LTBP1: variants seen among roughly 807,000 people sequenced by gnomAD.
LTBP1 encodes latent transforming growth factor beta binding protein 1.
In LTBP1, 129 loss-of-function variants were observed where a neutral mutation model predicts 207.6. The ratio of observed to expected loss-of-function variants is 0.62; its 90% CI spans 0.54 to 0.72. The LOEUF (loss-of-function observed/expected upper bound fraction) is 0.72, where lower values mean the gene tolerates loss of function less well. LTBP1 is among the 30% of genes least tolerant of loss of function. LTBP1 has a pLI of 0.00. For missense variants in LTBP1, 2,281 were observed against 2,217.2 expected (o/e 1.03, Z -0.58); for synonymous variants, 963 against 833.7 (o/e 1.16, Z -2.67).
chr2:33,207,260 C>T (rs943966926), intron 7 of LTBP1, among the ~76,000 whole-genome samples: 1 of 152,074 alleles, frequency 6.6e-6, no homozygotes, highest in African/African-American at 2.4e-5. Flanking sequence ...TTTTAAAATA[C>T]CGTTTCATAA....
chr2:33,183,866 A>G (rs537455712), intron 5 of LTBP1, among the ~76,000 whole-genome samples: 279 of 152,276 alleles, frequency 1.8e-3, no homozygotes, highest in African/African-American at 6.3e-3. Flanking sequence ...GCACTAATGA[A>G]GGTATTTTTC....
At chr2:33,064,451 G>C (rs2077409718) in intron 3 of LTBP1, among the ~76,000 whole-genome samples, 1 of 152,174 alleles carries the variant, frequency 6.6e-6, no homozygotes, top group Admixed American at 6.5e-5. Context: ...TGGCATAGCA[G>C]GCAGCATGAG....
chr2:33,124,362 A>G (rs989623788), intron 4 of LTBP1, among the ~76,000 whole-genome samples: 3 of 152,132 alleles, frequency 2.0e-5, no homozygotes, highest in African/African-American at 7.2e-5. Flanking sequence ...GTGAGCCAAG[A>G]TTGTGCCACT....
At position 33,348,577 on chromosome 2, in the gene LTBP1, G is replaced by A. The variant is rs566153643; in HGVS notation, c.4000+1067G>A. 7.0e-4 allele frequency among the ~76,000 whole-genome samples: 106 copies of A among 152,268 alleles called. 1 individual carries two copies. Among genetic ancestry groups the A allele is most frequent in the Admixed American group, 2.6e-3 (40 of 15,296 alleles). On this transcript the variant is annotated intron_variant, in intron 26 of 33. Transcript: ENST00000404816. ...ACCAAAAAACAAAAAAATCTGGTTGGCCACTAACAGAATTGGTTAACTAAG... is the reference window on the plus strand; with the variant it reads ...ACCAAAAAACAAAAAAATCTGGTTGACCACTAACAGAATTGGTTAACTAAG...
intron 3 of LTBP1, among the ~76,000 whole-genome samples, chr2:33,038,193 A>G (rs1426951310): frequency 6.6e-6 from 1 of 152,254 alleles, no homozygotes; most frequent in Non-Finnish European, 1.5e-5. Flanking sequence ...ATAAAGGCGA[A>G]CTTGTGGGTT....
rs142789437 is a variant in LTBP1 at position 33,010,580 on chromosome 2, G to T, written c.566-10329G>T. On this transcript the variant is annotated intron_variant, in intron 2 of 33. Transcript: ENST00000404816. ...TCGGGGTGATGGATGCCCTAAATAT[G>T]CTGACTTGATCATCACACATTCTCT... 1.4e-3 allele frequency among the ~76,000 whole-genome samples: 218 copies of T among 152,200 alleles called. 1 individual carries two copies. The highest frequency in any genetic ancestry group is 8.9e-3 in the East Asian group (46 of 5,180).
chr2:32,963,519 C>CATTA lies in LTBP1; in HGVS notation c.565+14577_565+14580dup, dbSNP rs533366624. Among the ~76,000 whole-genome samples, 46 of 152,186 alleles carry CATTA rather than the reference C, an allele frequency of 3.0e-4. 1 individual carries two copies. The East Asian group carries it at 4.4e-3, about 15-fold the overall frequency. ...AGCCACTGCACCTGACCACCATGCA[C>CATTA]ATTAATACACATTCTATACTGTATG... On this transcript the variant is annotated intron_variant, in intron 2 of 33. Coordinates refer to ENST00000404816, the MANE Select transcript of LTBP1 (RefSeq NM_206943.4).
At chr2:33,219,559 C>G (rs768196944) in intron 8 of LTBP1, among the ~76,000 whole-genome samples, 1 of 151,680 alleles carries the variant, frequency 6.6e-6, no homozygotes, top group East Asian at 1.9e-4. Flanking sequence ...TTAAACCTGC[C>G]TCTTTGTTTA....
intron 3 of LTBP1, among the ~76,000 whole-genome samples, chr2:33,041,785 C>G (rs971363024): frequency 2.6e-5 from 4 of 152,190 alleles, no homozygotes; most frequent in Non-Finnish European, 4.4e-5. Context: ...GTCTCTCCCT[C>G]TGTCTCTCTC....
At chr2:33,074,301 A>G (rs1428046073) in intron 3 of LTBP1, among the ~76,000 whole-genome samples, 1 of 152,122 alleles carries the variant, frequency 6.6e-6, no homozygotes, top group East Asian at 1.9e-4. Flanking sequence ...TTTTGCCACC[A>G]TTTTCTTCTC....
intron 26 of LTBP1, among the ~76,000 whole-genome samples, chr2:33,353,955 G>T (rs2094819694): frequency 6.6e-6 from 1 of 151,570 alleles, no homozygotes; most frequent in African/African-American, 2.4e-5. Flanking sequence ...TGCCTCCCAG[G>T]TTCACACCAT....
rs144737063 is a variant in LTBP1 at position 32,996,410 on chromosome 2, C to T, written c.566-24499C>T. 3.8e-3 allele frequency among the ~76,000 whole-genome samples: 578 copies of T among 152,252 alleles called. 4 individuals carry two copies. Among genetic ancestry groups the T allele is most frequent in the African/African-American group, 0.013 (548 of 41,542 alleles). ...CAAAGGCCCCACCTTCTAATATTGT[C>T]GTATTGGGGGTTAGGATTTCAACAT... On this transcript the variant is annotated intron_variant, in intron 2 of 33. Transcript: ENST00000404816.
chr2:32,948,886 G>C lies in LTBP1; in HGVS notation c.506G>C (p.Cys169Ser), dbSNP rs1676677148. ...QKQQLQGVNV[C>S]GGRCCHGWSK... Reference sequence around the variant, plus strand: ...TTGCTTTGTTTCAGGGTCAATGTCTGTGGAGGGCGGTGCTGTCATGGCTGG... The same window carrying C: ...TTGCTTTGTTTCAGGGTCAATGTCTCTGGAGGGCGGTGCTGTCATGGCTGG... Residue 169 changes from cysteine (C) to serine (S), a missense_variant, in exon 2 of 34, where the codon TGT becomes TCT. Physicochemically the swap from Cys to Ser is moderately radical, Grantham distance 112 (BLOSUM62 -1). Transcript: ENST00000404816. The C allele has an allele frequency of 6.2e-7, 1 of 1,614,202 alleles. No individual in the cohort carries two copies. Among genetic ancestry groups the C allele is most frequent in the Non-Finnish European group, 8.5e-7 (1 of 1,180,036 alleles).
chr2:33,240,439 G>A (rs1192330939), intron 9 of LTBP1, among the ~76,000 whole-genome samples: 3 of 152,172 alleles, frequency 2.0e-5, no homozygotes, highest in Non-Finnish European at 4.4e-5. Flanking sequence ...ACGTGTTTGT[G>A]AGTCTCTGAC....
At chr2:33,242,423 G>A (rs2092359769) in intron 9 of LTBP1, among the ~76,000 whole-genome samples, 2 of 152,092 alleles carry the variant, frequency 1.3e-5, no homozygotes, top group African/African-American at 4.8e-5. Context: ...TTGTAGCAGT[G>A]ATTTCCTCTT....
At position 33,386,826 on chromosome 2, in the gene LTBP1, C is replaced by CTTTT. The variant is rs1009498572; in HGVS notation, c.4712-2339_4712-2336dup. ...CCAGCATGGGTGGCAGAGCAAGACCCTTTTTTTTTTTTTTTTTTTTTTGAG... is the reference window on the plus strand; with the variant it reads ...CCAGCATGGGTGGCAGAGCAAGACCCTTTTTTTTTTTTTTTTTTTTTTTTTTGAG... On this transcript the variant is annotated intron_variant, in intron 31 of 33. Coordinates refer to ENST00000404816, the MANE Select transcript of LTBP1 (RefSeq NM_206943.4). 5.7e-4 allele frequency among the ~76,000 whole-genome samples: 68 copies of CTTTT among 119,328 alleles called. 1 individual carries two copies. The highest frequency in any genetic ancestry group is 7.7e-4 in the African/African-American group (22 of 28,620). 78.3% of individuals were successfully genotyped at this position (119,328 alleles called of 152,430 possible).
At chr2:33,323,605 G>A (rs971931128) in intron 24 of LTBP1, among the ~76,000 whole-genome samples, 2 of 149,102 alleles carry the variant, frequency 1.3e-5, no homozygotes, top group African/African-American at 5.0e-5. Context: ...TTTCAGCCTG[G>A]GTGACAGAGC....
At chr2:33,056,483 G>C in intron 3 of LTBP1, 93 of 782,500 alleles carry the variant, frequency 1.2e-4, no homozygotes, top group Non-Finnish European at 1.7e-4. Context: ...GGTGATGAGG[G>C]ATGATGCGCG....
intron 7 of LTBP1, among the ~76,000 whole-genome samples, chr2:33,203,433 A>G (rs2089540389): frequency 6.6e-6 from 1 of 152,154 alleles, no homozygotes; most frequent in African/African-American, 2.4e-5. Flanking sequence ...CAAAATATAG[A>G]TTCTTAGAAC....
Sources: allele counts gnomAD v4.1 joint callset (sites outside exome capture counted in the v4.1 genomes callset), GRCh38; gene constraint gnomAD v4.1.1; transcripts MANE v1.5; gene names NCBI Gene and HGNC (gene_info 2026-07-23, HGNC 2026-07-21).